TMEM45A: variants seen among roughly 807,000 people sequenced by gnomAD.
TMEM45A encodes transmembrane protein 45A.
In TMEM45A, 25 loss-of-function variants were observed where a neutral mutation model predicts 32.0. That is an observed-to-expected ratio of 0.78 (90% confidence interval 0.57 to 1.09). The LOEUF is 1.09. Among genes scored for constraint, TMEM45A ranks in the 50% least tolerant of loss-of-function variants. The probability of loss-of-function intolerance (pLI) is 0.00; values close to 1 mark genes in which losing one functional copy is unlikely to be tolerated. For synonymous variants in TMEM45A, 122 were observed against 114.8 expected (o/e 1.06, Z -0.40); for missense variants, 302 against 325.0 (o/e 0.93, Z 0.54).
intron 1 of TMEM45A, among the ~76,000 whole-genome samples, chr3:100,531,196 A>G (rs886498086): frequency 6.6e-6 from 1 of 152,090 alleles, no homozygotes; most frequent in Non-Finnish European, 1.5e-5. Context: ...TAATTATTTC[A>G]TTATAGTTTT....
At chr3:100,498,314 A>G (rs1707961137) in intron 1 of TMEM45A, among the ~76,000 whole-genome samples, 1 of 152,192 alleles carries the variant, frequency 6.6e-6, no homozygotes, top group Admixed American at 6.5e-5. Context: ...AATACAGATG[A>G]GGTTAACATT....
chr3:100,575,363 CTTTTTTTTTT>C (rs59739893), intron 5 of TMEM45A, among the ~76,000 whole-genome samples: 5 of 62,706 alleles, frequency 8.0e-5, no homozygotes, highest in East Asian at 1.4e-3. Context: ...TATGGATTCT[CTTTTTTTTTT>C]TTTTTTTTTT....
intron 1 of TMEM45A, among the ~76,000 whole-genome samples, chr3:100,542,767 G>C (rs1012436438): frequency 6.6e-6 from 1 of 152,092 alleles, no homozygotes; most frequent in Admixed American, 6.6e-5. Context: ...CATTATCCTA[G>C]GTGAATTAAC....
intron 1 of TMEM45A, among the ~76,000 whole-genome samples, chr3:100,513,866 C>T (rs973212348): frequency 4.6e-5 from 7 of 152,028 alleles, no homozygotes; most frequent in African/African-American, 1.7e-4. Context: ...TGAATTAACT[C>T]CCATTCACAA....
At chr3:100,567,933 T>C (rs1261813799) in intron 4 of TMEM45A, among the ~76,000 whole-genome samples, 1 of 152,030 alleles carries the variant, frequency 6.6e-6, no homozygotes, top group Non-Finnish European at 1.5e-5. Context: ...TACAGGTGCC[T>C]GCCACCATGC....
intron 1 of TMEM45A, among the ~76,000 whole-genome samples, chr3:100,539,449 G>GCA (rs61068700): frequency 0.13 from 15,929 of 119,514 alleles, 2,330 homozygotes; most frequent in Non-Finnish European, 0.19. Context: ...ATATGTATAT[G>GCA]TATATGTATA....
At chr3:100,521,760 T>C (rs559412690) in intron 1 of TMEM45A, among the ~76,000 whole-genome samples, 4 of 152,292 alleles carry the variant, frequency 2.6e-5, no homozygotes, top group African/African-American at 9.6e-5. Flanking sequence ...GTGGGGCTGT[T>C]CTGATGTCTG....
chr3:100,564,894 T>C (rs1706398335), intron 4 of TMEM45A, among the ~76,000 whole-genome samples: 1 of 152,236 alleles, frequency 6.6e-6, no homozygotes, highest in African/African-American at 2.4e-5. Flanking sequence ...TAGTGCCATG[T>C]CCTCGTGGGA....
At chr3:100,549,227 A>G (rs1706040288) in intron 1 of TMEM45A, among the ~76,000 whole-genome samples, 1 of 151,566 alleles carries the variant, frequency 6.6e-6, no homozygotes, top group Non-Finnish European at 1.5e-5. Context: ...AGCCTGGGCA[A>G]CAGAGTGAGA....
At chr3:100,515,887 T>C (rs899609196) in intron 1 of TMEM45A, among the ~76,000 whole-genome samples, 2 of 152,104 alleles carry the variant, frequency 1.3e-5, no homozygotes, top group East Asian at 1.9e-4. Context: ...TGGGTACAAA[T>C]ATACATTCAT....
intron 1 of TMEM45A, among the ~76,000 whole-genome samples, chr3:100,513,340 T>G (rs549025427): frequency 8.5e-4 from 129 of 152,252 alleles, no homozygotes; most frequent in African/African-American, 3.1e-3. Flanking sequence ...TCAATAAATG[T>G]AATCCAGCAT....
chr3:100,510,183 A>C (rs1708136815), intron 1 of TMEM45A, among the ~76,000 whole-genome samples: 1 of 152,228 alleles, frequency 6.6e-6, no homozygotes, highest in African/African-American at 2.4e-5. Context: ...GACAAACAAA[A>C]AGACAGCAGT....
chr3:100,572,444 G>T (rs1247100454), intron 5 of TMEM45A: 1 of 151,924 alleles, frequency 6.6e-6, no homozygotes, highest in East Asian at 1.9e-4. Context: ...TTTTGATGGG[G>T]TTGTTTGTTT....
At chr3:100,572,360 G>A (rs1174646059) in intron 5 of TMEM45A, 2 of 152,120 alleles carry the variant, frequency 1.3e-5, no homozygotes, top group Admixed American at 6.5e-5. Context: ...GTGATGGTGA[G>A]CATTTTTTCA....
At chr3:100,572,147 T>C (rs1355104971) in intron 5 of TMEM45A, 2 of 152,244 alleles carry the variant, frequency 1.3e-5, no homozygotes, top group African/African-American at 4.8e-5. Context: ...ATGGTATTTC[T>C]AGTTCTAGAT....
At chr3:100,551,044 C>T (rs900194479) in intron 1 of TMEM45A, among the ~76,000 whole-genome samples, 3 of 141,262 alleles carry the variant, frequency 2.1e-5, no homozygotes, top group Admixed American at 7.3e-5. Context: ...GACGGAGTCT[C>T]CCTCTGTCGC....
intron 1 of TMEM45A, among the ~76,000 whole-genome samples, chr3:100,493,667 G>A (rs7630198): frequency 0.57 from 85,988 of 151,790 alleles, 26,260 homozygotes; most frequent in African/African-American, 0.81. Context: ...GCTATATGGT[G>A]TATATGCTCT....
chr3:100,523,217 TGTC>T (rs1705470239), intron 1 of TMEM45A, among the ~76,000 whole-genome samples: 1 of 152,240 alleles, frequency 6.6e-6, no homozygotes, highest in Non-Finnish European at 1.5e-5. Context: ...CTGCTGATGT[TGTC>T]TGTTTGTGTT....
chr3:100,528,957 C>T (rs1705598100), intron 1 of TMEM45A, among the ~76,000 whole-genome samples: 1 of 152,084 alleles, frequency 6.6e-6, no homozygotes, highest in Admixed American at 6.5e-5. Context: ...CCTTAAGGGT[C>T]AGATAGTTTC....
Sources: allele counts gnomAD v4.1 joint callset (sites outside exome capture counted in the v4.1 genomes callset), GRCh38; gene constraint gnomAD v4.1.1; transcripts MANE v1.5; gene names NCBI Gene and HGNC (gene_info 2026-07-23, HGNC 2026-07-21).